IL12RB2: variants seen among roughly 807,000 people sequenced by gnomAD.
IL12RB2 encodes interleukin-12 receptor subunit beta-2.
In IL12RB2, 82 loss-of-function variants were observed where a neutral mutation model predicts 89.4. The ratio of observed to expected loss-of-function variants is 0.92; its 90% CI spans 0.77 to 1.10. The LOEUF (loss-of-function observed/expected upper bound fraction) is 1.10, where lower values mean the gene tolerates loss of function less well. Among genes scored for constraint, IL12RB2 ranks in the 50% least tolerant of loss-of-function variants. The pLI is 0.00. For missense variants in IL12RB2, 963 were observed against 1,031.9 expected (o/e 0.93, Z 0.92); for synonymous variants, 368 against 370.1 (o/e 0.99, Z 0.07).
intron 8 of IL12RB2, among the ~76,000 whole-genome samples, chr1:67,331,656 G>C (rs1658090109): frequency 1.3e-5 from 2 of 152,052 alleles, no homozygotes; most frequent in South Asian, 4.2e-4. Flanking sequence ...TGGCCAGCAT[G>C]GTGAAATCCC....
rs376086673 is a variant in IL12RB2, at chr1:67,395,590, C to G, written c.2090C>G (p.Pro697Arg). 3.6e-5 allele frequency: 58 copies of G among 1,614,086 alleles called. No homozygotes were observed. The highest frequency in any genetic ancestry group is 4.7e-5 in the Non-Finnish European group (56 of 1,180,042). ...LPLDRLLIDWPTPEDPEPLVI... is the reference protein window; with the variant it reads ...LPLDRLLIDWRTPEDPEPLVI... The stretch of plus-strand genomic sequence containing the variant: ...TTGGACAGGCTCCTGATAGACTGGC[C>G]CACGCCTGAAGATCCTGAACCGCTG... Residue 697 changes from proline to arginine, a missense_variant, in exon 17 of 17, where the codon CCC (proline) becomes CGC (arginine). Coordinates refer to ENST00000674203, the MANE Select transcript of IL12RB2 (RefSeq NM_001374259.2).
At chr1:67,352,892 C>A (rs138084117) in intron 10 of IL12RB2, among the ~76,000 whole-genome samples, 1 of 152,156 alleles carries the variant, frequency 6.6e-6, no homozygotes, top group African/African-American at 2.4e-5. Context: ...TACTCTTGTA[C>A]ACGCTAGTGA....
intron 9 of IL12RB2, among the ~76,000 whole-genome samples, chr1:67,342,524 G>A (rs1008380098): frequency 4.6e-5 from 7 of 151,954 alleles, no homozygotes; most frequent in African/African-American, 1.7e-4. Flanking sequence ...TGAGTGTAAG[G>A]ATGTGAGTGT....
At chr1:67,349,209 G>A (rs1459482500) in intron 9 of IL12RB2, among the ~76,000 whole-genome samples, 1 of 152,184 alleles carries the variant, frequency 6.6e-6, no homozygotes, top group Non-Finnish European at 1.5e-5. Context: ...TAATAAGACT[G>A]GTTTGCAATG....
At chr1:67,351,169 G>T in intron 10 of IL12RB2, 80 bp downstream of exon 10, 2 of 1,568,300 alleles carry the variant, frequency 1.3e-6, no homozygotes, top group Non-Finnish European at 1.7e-6. Context: ...GCCCAACCCA[G>T]GACCTAAAAT....
At chr1:67,391,772 G>A (rs1287969895) in intron 16 of IL12RB2, among the ~76,000 whole-genome samples, 1 of 151,756 alleles carries the variant, frequency 6.6e-6, no homozygotes, top group Non-Finnish European at 1.5e-5. Flanking sequence ...TAGTAGCTAG[G>A]ACTACAGGCG....
intron 9 of IL12RB2, among the ~76,000 whole-genome samples, chr1:67,348,668 T>TA (rs1660497388): frequency 6.8e-6 from 1 of 147,826 alleles, no homozygotes; most frequent in African/African-American, 2.5e-5. Flanking sequence ...CCTTAAAAAA[T>TA]TAAAAAAAAA....
At position 67,372,664 on chromosome 1, in the gene IL12RB2, A is replaced by T; in HGVS notation, c.1598A>T (p.Glu533Val). 6.2e-7 allele frequency: 1 copy of T among 1,613,200 alleles called. No homozygotes were observed. The highest frequency in any genetic ancestry group is 8.5e-7 in the Non-Finnish European group (1 of 1,179,148). Reference protein sequence around the residue: ...SGPHINAITEEKGSILISWNS... With the variant: ...SGPHINAITEVKGSILISWNS... Reference sequence around the variant, plus strand: ...CCCCACATTAATGCCATCACAGAGGAAAAGGGGAGCATTTTAATTTCATGG... The same window carrying T: ...CCCCACATTAATGCCATCACAGAGGTAAAGGGGAGCATTTTAATTTCATGG... Residue 533 changes from glutamate to valine, a missense_variant, in exon 13 of 17, where the codon GAA (glutamate) becomes GTA (valine). Glu to Val is a moderately radical substitution (Grantham distance 121). Transcript: ENST00000674203.
At chr1:67,357,453 G>A (rs1027050233) in intron 10 of IL12RB2, among the ~76,000 whole-genome samples, 20 of 152,158 alleles carry the variant, frequency 1.3e-4, no homozygotes, top group Non-Finnish European at 2.9e-4. Context: ...TTTCAGTATT[G>A]TATAGCAACA....
At chr1:67,341,551 G>GAAA (rs368159591) in intron 9 of IL12RB2, among the ~76,000 whole-genome samples, 8,585 of 52,548 alleles carry the variant, frequency 0.16, 307 homozygotes, top group South Asian at 0.3. Context: ...AAGAAAGAAA[G>GAAA]AAAGAAAGAA....
upstream of IL12RB2, chr1:67,307,601 G>A (rs1198209998): frequency 2.6e-5 from 4 of 152,238 alleles, no homozygotes; most frequent in Admixed American, 6.5e-5. Flanking sequence ...TGCTCAAGGC[G>A]ACACAGCAGA....
At chr1:67,312,865 G>A (rs573214270) in intron 1 of IL12RB2, among the ~76,000 whole-genome samples, 2 of 152,326 alleles carry the variant, frequency 1.3e-5, no homozygotes, top group African/African-American at 4.8e-5. Flanking sequence ...AGGCAGCCTC[G>A]TCAGCTGCAC....
Position 67,357,201 on chromosome 1 carries a change from AT to A in IL12RB2, c.1258+6113del, listed in dbSNP as rs557975539. Among the ~76,000 whole-genome samples the A allele has an allele frequency of 4.0e-3, 605 of 152,266 alleles. 6 individuals carry two copies. Among genetic ancestry groups the A allele is most frequent in the African/African-American group, 0.014 (585 of 41,554 alleles). ...GCAAAACCCTGTCTCTACTAAAAAA[AT>A]AAATAAATAAAAATAAAAAAGAAAA... On this transcript the variant is annotated intron_variant, in intron 10 of 16. Coordinates refer to ENST00000674203, the MANE Select transcript of IL12RB2 (RefSeq NM_001374259.2).
At chr1:67,315,621 C>T (rs1655663315) in intron 2 of IL12RB2, among the ~76,000 whole-genome samples, 1 of 152,034 alleles carries the variant, frequency 6.6e-6, no homozygotes, top group African/African-American at 2.4e-5. Flanking sequence ...ATTTACTCAA[C>T]AAATATTATG....
At chr1:67,370,045 T>C (rs564860772) in intron 11 of IL12RB2, among the ~76,000 whole-genome samples, 1 of 151,172 alleles carries the variant, frequency 6.6e-6, no homozygotes, top group South Asian at 2.1e-4. Flanking sequence ...AACAATATAC[T>C]AATGAATAAA....
intron 10 of IL12RB2, among the ~76,000 whole-genome samples, chr1:67,359,654 G>A (rs577793493): frequency 6.6e-6 from 1 of 151,956 alleles, no homozygotes; most frequent in South Asian, 2.1e-4. Context: ...CCTGGGAGGT[G>A]GCAGTTGCAG....
At chr1:67,351,122 G>T (rs755145916) in intron 10 of IL12RB2, 33 bp downstream of exon 10, 6 of 1,608,210 alleles carry the variant, frequency 3.7e-6, no homozygotes, top group African/African-American at 2.7e-5. Context: ...CATTGCCTGT[G>T]GAAAACTGTG....
chr1:67,320,235 G>A (rs998701952), intron 2 of IL12RB2, 98 bp from the exon 3 acceptor site: 5 of 1,559,518 alleles, frequency 3.2e-6, no homozygotes, highest in Non-Finnish European at 3.5e-6. Flanking sequence ...CAACAAGGTG[G>A]AGAAAAATAA....
At chr1:67,310,959 G>A (rs540760817) in intron 1 of IL12RB2, among the ~76,000 whole-genome samples, 64 of 152,214 alleles carry the variant, frequency 4.2e-4, no homozygotes, top group African/African-American at 1.4e-3. Context: ...TCTTGACCTC[G>A]TGATCTGCCC....
Sources: allele counts gnomAD v4.1 joint callset (sites outside exome capture counted in the v4.1 genomes callset), GRCh38; gene constraint gnomAD v4.1.1; transcripts MANE v1.5; gene names NCBI Gene and HGNC (gene_info 2026-07-23, HGNC 2026-07-21).